ARL15: variants seen among roughly 807,000 people sequenced by gnomAD.
The protein encoded by ARL15 is ADP-ribosylation factor-like protein 15.
A neutral mutation model predicts 25.2 loss-of-function variants in ARL15; 19 were observed. The ratio of observed to expected loss-of-function variants is 0.75; its 90% CI spans 0.53 to 1.10. The LOEUF (loss-of-function observed/expected upper bound fraction) is 1.10, where lower values mean the gene tolerates loss of function less well. ARL15 is among the 50% of genes least tolerant of loss of function. ARL15 has a pLI of 0.00. For missense variants in ARL15, 220 were observed against 246.0 expected, an observed-to-expected ratio of 0.89 and a Z score of 0.71; for synonymous variants, 94 against 86.8, an observed-to-expected ratio of 1.08 and a Z score of -0.46.
At chr5:53,945,786 G>T (rs1746705814) in intron 4 of ARL15, among the ~76,000 whole-genome samples, 1 of 152,176 alleles carries the variant, frequency 6.6e-6, no homozygotes, top group African/African-American at 2.4e-5. Flanking sequence ...TTATGTTAAA[G>T]TAAAATGTAG....
At chr5:54,037,382 G>T (rs920518691) in intron 4 of ARL15, among the ~76,000 whole-genome samples, 2 of 151,980 alleles carry the variant, frequency 1.3e-5, no homozygotes, top group African/African-American at 4.8e-5. Context: ...AGTTTACATA[G>T]TTTTCTGTGA....
intron 4 of ARL15, among the ~76,000 whole-genome samples, chr5:53,976,716 G>A (rs541532837): frequency 3.1e-4 from 47 of 152,284 alleles, no homozygotes; most frequent in African/African-American, 1.1e-3. Flanking sequence ...GCTTGAGGTC[G>A]TGGTGCTGGT....
intron 1 of ARL15, among the ~76,000 whole-genome samples, chr5:54,224,143 G>C (rs559352107): frequency 6.6e-6 from 1 of 152,172 alleles, no homozygotes; most frequent in Non-Finnish European, 1.5e-5. Context: ...GAGGAGCGAA[G>C]GCAATCACAA....
intron 1 of ARL15, among the ~76,000 whole-genome samples, chr5:54,191,133 G>A (rs1330983209): frequency 6.6e-6 from 1 of 152,146 alleles, no homozygotes; most frequent in Non-Finnish European, 1.5e-5. Flanking sequence ...GCTATAAAAA[G>A]GAAGGAAGTT....
At chr5:53,919,765 T>A (rs1314250784) in intron 4 of ARL15, among the ~76,000 whole-genome samples, 7 of 152,134 alleles carry the variant, frequency 4.6e-5, no homozygotes, top group Admixed American at 4.6e-4. Flanking sequence ...ATACCATGTG[T>A]TTGGATCAGC....
intron 4 of ARL15, among the ~76,000 whole-genome samples, chr5:53,899,208 C>T (rs954218350): frequency 1.3e-4 from 19 of 151,376 alleles, no homozygotes; most frequent in East Asian, 4.0e-4. Context: ...ATTAGCCAGG[C>T]GTGGTGGTGC....
intron 4 of ARL15, among the ~76,000 whole-genome samples, chr5:53,940,028 G>T (rs147802815): frequency 1.9e-4 from 29 of 150,162 alleles, no homozygotes; most frequent in African/African-American, 6.9e-4. Context: ...GCCCAGGCTG[G>T]AGTGCAGAGG....
chr5:54,262,789 A>G (rs1490542927), intron 1 of ARL15, among the ~76,000 whole-genome samples: 1 of 152,170 alleles, frequency 6.6e-6, no homozygotes, highest in African/African-American at 2.4e-5. Flanking sequence ...TTTTTTCCCC[A>G]CAAAAAATTT....
At chr5:54,146,113 A>G (rs1753903437) in intron 3 of ARL15, among the ~76,000 whole-genome samples, 1 of 152,126 alleles carries the variant, frequency 6.6e-6, no homozygotes, top group Non-Finnish European at 1.5e-5. Context: ...AACTTTGTCA[A>G]GTTAGTATTA....
intron 1 of ARL15, among the ~76,000 whole-genome samples, chr5:54,178,030 A>G (rs1396948539): frequency 1.3e-5 from 2 of 152,204 alleles, no homozygotes; most frequent in South Asian, 2.1e-4. Flanking sequence ...AGACATATCC[A>G]TTCTTGGTCC....
At chr5:54,254,757 G>GA (rs33951899) in intron 1 of ARL15, among the ~76,000 whole-genome samples, 20,084 of 152,168 alleles carry the variant, frequency 0.13, 2,277 homozygotes, top group African/African-American at 0.3. Flanking sequence ...TCCTCATCCA[G>GA]AAAAAATCAA....
At chr5:53,940,929 C>T (rs1746522272) in intron 4 of ARL15, among the ~76,000 whole-genome samples, 1 of 152,094 alleles carries the variant, frequency 6.6e-6, no homozygotes, top group South Asian at 2.1e-4. Flanking sequence ...CTAGGTCAAG[C>T]TTTTACAAGA....
At chr5:54,031,824 C>T (rs1387476414) in intron 4 of ARL15, among the ~76,000 whole-genome samples, 2 of 152,028 alleles carry the variant, frequency 1.3e-5, no homozygotes, top group Non-Finnish European at 2.9e-5. Context: ...TTCCACAATC[C>T]CCAACACACA....
At chr5:53,927,772 G>T (rs1381080329) in intron 4 of ARL15, among the ~76,000 whole-genome samples, 1 of 152,104 alleles carries the variant, frequency 6.6e-6, no homozygotes. Flanking sequence ...GAGCATCACT[G>T]AATCAAAAAT....
intron 4 of ARL15, among the ~76,000 whole-genome samples, chr5:53,926,404 G>A (rs538880307): frequency 5.5e-5 from 6 of 108,922 alleles, no homozygotes; most frequent in South Asian, 2.8e-4. Context: ...ATGCAGCCAC[G>A]GCGGGAAAAA....
chr5:53,902,341 C>T (rs1580062358), intron 4 of ARL15, among the ~76,000 whole-genome samples: 1 of 152,156 alleles, frequency 6.6e-6, no homozygotes, highest in East Asian at 1.9e-4. Flanking sequence ...AAACTACTGT[C>T]AATTGGCCAA....
chr5:53,998,571 T>C (rs1295588377), intron 4 of ARL15, among the ~76,000 whole-genome samples: 2 of 152,166 alleles, frequency 1.3e-5, no homozygotes, highest in Admixed American at 6.5e-5. Context: ...GGAGGACAAC[T>C]CTGGCAGAAA....
At chr5:54,117,402 C>A (rs529862536) in intron 3 of ARL15, among the ~76,000 whole-genome samples, 36 of 151,168 alleles carry the variant, frequency 2.4e-4, no homozygotes, top group Non-Finnish European at 4.3e-4. Context: ...CACACACACA[C>A]ACACAAACCC....
chr5:53,914,661 C>T (rs372220685), intron 4 of ARL15, among the ~76,000 whole-genome samples: 6 of 152,332 alleles, frequency 3.9e-5, no homozygotes, highest in South Asian at 2.1e-4. Flanking sequence ...TGGCGAATTC[C>T]GCATCTGGAG....
Sources: gnomAD v4.1 joint callset for allele counts (sites outside exome capture counted in the v4.1 genomes callset) on GRCh38, gnomAD v4.1.1 for gene constraint, MANE v1.5 for transcripts, NCBI Gene and HGNC (gene_info 2026-07-23, HGNC 2026-07-21) for gene names.